RBFOX1: variants seen among roughly 807,000 people sequenced by gnomAD.
RBFOX1 encodes the protein RNA binding protein fox-1 homolog 1.
A neutral mutation model predicts 57.7 loss-of-function variants in RBFOX1; 8 were observed. That is an observed-to-expected ratio of 0.14 (90% CI 0.08 to 0.25). The LOEUF (loss-of-function observed/expected upper bound fraction) is 0.25. RBFOX1 is among the 10% of genes least tolerant of loss of function. The pLI, the probability that RBFOX1 is intolerant of heterozygous loss-of-function variation, is 1.00. For synonymous variants in RBFOX1, 326 were observed against 222.4 expected, an observed-to-expected ratio of 1.47 and a Z score of -4.15; for missense variants, 611 against 548.5, an observed-to-expected ratio of 1.11 and a Z score of -1.14.
At chr16:5,401,863 ATCG>A (rs1218691234) in intron 1 of RBFOX1, among the ~76,000 whole-genome samples, 1 of 149,420 alleles carries the variant, frequency 6.7e-6, no homozygotes, top group Non-Finnish European at 1.5e-5. Context: ...GTCTCTCGTC[ATCG>A]TCGTCGTCAT....
At chr16:7,097,449 G>C (rs2061894350) in intron 4 of RBFOX1, among the ~76,000 whole-genome samples, 1 of 152,168 alleles carries the variant, frequency 6.6e-6, no homozygotes, top group Admixed American at 6.5e-5. Context: ...CAGGGAAAGA[G>C]AGAAGAACCC....
At chr16:6,506,492 TA>T (rs1470684904) in intron 2 of RBFOX1, among the ~76,000 whole-genome samples, 1 of 152,040 alleles carries the variant, frequency 6.6e-6, no homozygotes, top group Non-Finnish European at 1.5e-5. Context: ...AAGACTCTAT[TA>T]AAAAAGATGC....
At chr16:5,974,615 A>G (rs2060026311) in intron 4 of RBFOX1, among the ~76,000 whole-genome samples, 1 of 150,510 alleles carries the variant, frequency 6.6e-6, no homozygotes, top group African/African-American at 2.5e-5. Flanking sequence ...ATCTCAAAAG[A>G]AATAAAATAA....
chr16:6,932,709 TTC>T (rs1275347561), intron 3 of RBFOX1, among the ~76,000 whole-genome samples: 2 of 152,136 alleles, frequency 1.3e-5, no homozygotes, highest in Non-Finnish European at 1.5e-5. Flanking sequence ...ACTAATCTCT[TTC>T]TGTTAAATTT....
intron 3 of RBFOX1, among the ~76,000 whole-genome samples, chr16:5,737,861 T>C (rs1419303010): frequency 6.6e-6 from 1 of 152,224 alleles, no homozygotes; most frequent in South Asian, 2.1e-4. Context: ...TTTTTATTTA[T>C]TTTTAAAAAT....
At chr16:5,318,252 C>T (rs1393820146) in intron 1 of RBFOX1, among the ~76,000 whole-genome samples, 1 of 152,116 alleles carries the variant, frequency 6.6e-6, no homozygotes, top group Non-Finnish European at 1.5e-5. Context: ...CCTCAGTATC[C>T]CAAGTAGGTG....
intron 1 of RBFOX1, among the ~76,000 whole-genome samples, chr16:6,105,977 T>C (rs954308333): frequency 1.3e-5 from 2 of 152,134 alleles, no homozygotes; most frequent in Non-Finnish European, 2.9e-5. Context: ...CCCAGCTCTT[T>C]ACACTAATAT....
At chr16:7,137,107 G>C (rs2072239994) in intron 4 of RBFOX1, among the ~76,000 whole-genome samples, 2 of 152,182 alleles carry the variant, frequency 1.3e-5, no homozygotes, top group South Asian at 4.1e-4. Context: ...AGAGAAGTTA[G>C]ATAGTCTAAA....
chr16:6,882,849 C>A (rs1481356499), intron 3 of RBFOX1, among the ~76,000 whole-genome samples: 2 of 152,048 alleles, frequency 1.3e-5, no homozygotes, highest in Admixed American at 6.6e-5. Context: ...TTTATGTTCA[C>A]CCCCAGGAGT....
intron 4 of RBFOX1, among the ~76,000 whole-genome samples, chr16:7,216,864 C>A (rs1039345079): frequency 6.6e-6 from 1 of 152,114 alleles, no homozygotes; most frequent in African/African-American, 2.4e-5. Context: ...GTCATTTATT[C>A]ATTCTTTTCA....
intron 1 of RBFOX1, among the ~76,000 whole-genome samples, chr16:5,380,239 G>A (rs1341893695): frequency 6.6e-6 from 1 of 152,194 alleles, no homozygotes; most frequent in African/African-American, 2.4e-5. Context: ...GGCTGCCTTT[G>A]CATGTACGGT....
intron 3 of RBFOX1, among the ~76,000 whole-genome samples, chr16:6,938,541 A>T (rs559244839): frequency 4.0e-5 from 6 of 149,242 alleles, no homozygotes; most frequent in African/African-American, 1.5e-4. Flanking sequence ...ACATTCTAGC[A>T]TTACCAGACA....
At chr16:5,621,134 C>T (rs1390216444) in intron 3 of RBFOX1, among the ~76,000 whole-genome samples, 4 of 152,180 alleles carry the variant, frequency 2.6e-5, no homozygotes, top group Admixed American at 1.3e-4. Context: ...AGCCAATGCG[C>T]CCAGCCTGCT....
intron 4 of RBFOX1, among the ~76,000 whole-genome samples, chr16:5,999,710 A>G (rs958741174): frequency 6.6e-6 from 1 of 151,472 alleles, no homozygotes; most frequent in Non-Finnish European, 1.5e-5. Flanking sequence ...AAATACAAAA[A>G]ATTAGCCGGG....
In RBFOX1 at chr16:5,877,099, C is replaced by T. The variant is rs527515407; in HGVS notation, c.351+9764C>T. ...TGTAGGGCACTGTGCTCCCTCCTAACAGAATAAAAGAATTACTGATTATAT... is the reference window on the plus strand; with the variant it reads ...TGTAGGGCACTGTGCTCCCTCCTAATAGAATAAAAGAATTACTGATTATAT... On this transcript the variant is annotated intron_variant, in intron 4 of 19. Coordinates refer to the RBFOX1 transcript ENST00000641259. Among the ~76,000 whole-genome samples the T allele has an allele frequency of 9.2e-5, 14 of 152,246 alleles. No homozygotes were observed. In the South Asian group the frequency reaches 2.9e-3, roughly 32 times the overall value.
intron 3 of RBFOX1, among the ~76,000 whole-genome samples, chr16:6,939,828 A>G (rs974685502): frequency 6.6e-6 from 1 of 152,096 alleles, no homozygotes; most frequent in African/African-American, 2.4e-5. Flanking sequence ...TTTCACTAAG[A>G]GGGTATCATA....
At chr16:7,142,991 G>C (rs1204412960) in intron 4 of RBFOX1, among the ~76,000 whole-genome samples, 2 of 150,944 alleles carry the variant, frequency 1.3e-5, no homozygotes, top group African/African-American at 2.4e-5. Context: ...CTCCAAAATT[G>C]GGACTGGGTG....
At chr16:7,095,742 G>C (rs1356082795) in intron 4 of RBFOX1, among the ~76,000 whole-genome samples, 1 of 152,142 alleles carries the variant, frequency 6.6e-6, no homozygotes, top group Non-Finnish European at 1.5e-5. Context: ...AAAATATGGA[G>C]CTGGGCATGG....
chr16:6,239,845 CT>C (rs2097530978), intron 1 of RBFOX1, among the ~76,000 whole-genome samples: 1 of 152,096 alleles, frequency 6.6e-6, no homozygotes, highest in Non-Finnish European at 1.5e-5. Flanking sequence ...ATACGACAGA[CT>C]TTATTGACAT....
Sources: gnomAD v4.1 joint callset for allele counts (sites outside exome capture counted in the v4.1 genomes callset) on GRCh38, gnomAD v4.1.1 for gene constraint, MANE v1.5 for transcripts, NCBI Gene and HGNC (gene_info 2026-07-23, HGNC 2026-07-21) for gene names.